Variants in LNX1 observed in about 807,000 individuals in gnomAD.
The protein encoded by LNX1 is ligand of numb-protein X 1, also known as E3 ubiquitin-protein ligase LNX.
A neutral mutation model predicts 68.4 loss-of-function variants in LNX1; 54 were observed. The observed-to-expected ratio is 0.79, with a 90% CI of 0.63 to 0.99. The LOEUF is 0.99. Ranked by LOEUF, LNX1 falls within the 50% of genes least tolerant of loss-of-function variation. The pLI, the probability that LNX1 is intolerant of heterozygous loss-of-function variation, is 0.00. For synonymous variants in LNX1, 336 were observed against 350.0 expected, an observed-to-expected ratio of 0.96 and a Z score of 0.45; for missense variants, 906 against 926.4, an observed-to-expected ratio of 0.98 and a Z score of 0.29.
chr4:53,480,602 A>C (rs771823633), intron 7 of LNX1, among the ~76,000 whole-genome samples: 65 of 152,340 alleles, frequency 4.3e-4, no homozygotes, highest in Admixed American at 1.8e-3. Flanking sequence ...ATGTTTTAGC[A>C]GGATATATCT....
At chr4:53,514,497 T>TG (rs35743691) in intron 2 of LNX1, among the ~76,000 whole-genome samples, 146,121 of 152,100 alleles carry the variant, frequency 0.96, 70,468 homozygotes, top group Non-Finnish European at 1. Context: ...AGGGCTTGTG[T>TG]GGGGAACTCT....
intron 7 of LNX1, 44 bp from the exon 8 acceptor site, chr4:53,478,786 C>G (rs1245133852): frequency 1.9e-6 from 3 of 1,560,540 alleles, no homozygotes; most frequent in Non-Finnish European, 2.6e-6. Flanking sequence ...ATTCACAACT[C>G]TGGTAGTTTT....
At chr4:53,643,144 T>C (rs545416100) in intron 1 of LNX1, among the ~76,000 whole-genome samples, 59 of 152,002 alleles carry the variant, frequency 3.9e-4, no homozygotes, top group African/African-American at 1.1e-3. Flanking sequence ...AGTCAAGAAA[T>C]CTTGGTCTTT....
At chr4:53,579,813 C>A (rs1002824) in intron 1 of LNX1, among the ~76,000 whole-genome samples, 40,989 of 152,048 alleles carry the variant, frequency 0.27, 5,650 homozygotes, top group Admixed American at 0.31. Context: ...CCAGAATAAA[C>A]CACATACTCC....
intron 2 of LNX1, among the ~76,000 whole-genome samples, chr4:53,554,726 T>A (rs1354417911): frequency 6.6e-6 from 1 of 151,806 alleles, no homozygotes; most frequent in African/African-American, 2.4e-5. Context: ...GTGGTGGGTG[T>A]CTGTAATCCC....
intron 2 of LNX1, among the ~76,000 whole-genome samples, chr4:53,534,504 A>G (rs915751088): frequency 6.6e-6 from 1 of 152,156 alleles, no homozygotes; most frequent in African/African-American, 2.4e-5. Context: ...TTAGCCAAGC[A>G]TTGAGGACAT....
chr4:53,537,266 A>G (rs1168137252), intron 2 of LNX1, among the ~76,000 whole-genome samples: 7 of 152,360 alleles, frequency 4.6e-5, no homozygotes, highest in Non-Finnish European at 8.8e-5. Context: ...AAGTAAAAGC[A>G]TTCCTGTAAA....
At chr4:53,596,894 C>T (rs553049159) in intron 2 of LNX1, among the ~76,000 whole-genome samples, 2 of 152,330 alleles carry the variant, frequency 1.3e-5, no homozygotes, top group South Asian at 4.1e-4. Flanking sequence ...CAAAAGAAAT[C>T]TGAGAATGCA....
intron 1 of LNX1, among the ~76,000 whole-genome samples, chr4:53,636,179 C>CTTTTTTTTTTT (rs11440722): frequency 3.5e-5 from 3 of 85,226 alleles, no homozygotes; most frequent in Admixed American, 1.7e-4. Flanking sequence ...TCTATTACTC[C>CTTTTTTTTTTT]TTTTTTTTTT....
chr4:53,533,059 G>A (rs1455810070), intron 2 of LNX1, among the ~76,000 whole-genome samples: 4 of 152,290 alleles, frequency 2.6e-5, no homozygotes, highest in Middle Eastern at 6.8e-3. Flanking sequence ...TGCTCCCTAG[G>A]TGCAGAGAAA....
At position 53,460,084 on chromosome 4, in the gene LNX1, C is replaced by CTACCCA. The variant is rs2150530084; in HGVS notation, c.*822_*823insTGGGTA. 5.0e-6 allele frequency: 1 copy of CTACCCA among 199,814 alleles called. No homozygotes were observed. The highest frequency in any genetic ancestry group is 6.0e-5 in the Admixed American group (1 of 16,588). The allele number at this position is 199,814 out of a possible 1,614,324, so 12.4% of individuals were successfully genotyped here. On this transcript the variant is annotated 3_prime_UTR_variant, in exon 11 of 11. Transcript: ENST00000263925. ...TAATTAATTACCCATAGTGTAGTTT[C>CTACCCA]TAGGAGGCATGTGTACACACACTCT...
At chr4:53,536,948 A>G (rs967914716) in intron 2 of LNX1, among the ~76,000 whole-genome samples, 4 of 152,226 alleles carry the variant, frequency 2.6e-5, no homozygotes, top group African/African-American at 9.6e-5. Flanking sequence ...GCAAAATCCA[A>G]ATATCTCTGA....
intron 2 of LNX1, among the ~76,000 whole-genome samples, chr4:53,511,763 A>C (rs1222100859): frequency 6.6e-6 from 1 of 152,222 alleles, no homozygotes; most frequent in Non-Finnish European, 1.5e-5. Context: ...GACGAGACAC[A>C]GGAGGGAACT....
chr4:53,601,473 G>A (rs1406754908), intron 2 of LNX1, among the ~76,000 whole-genome samples: 1 of 152,156 alleles, frequency 6.6e-6, no homozygotes, highest in Non-Finnish European at 1.5e-5. Flanking sequence ...GTCTTGCCAC[G>A]ATGGCCAGTC....
chr4:53,619,466 G>C (rs1733789742), upstream of LNX1, among the ~76,000 whole-genome samples: 1 of 152,132 alleles, frequency 6.6e-6, no homozygotes, highest in Non-Finnish European at 1.5e-5. Context: ...CTTTGTGTCA[G>C]ACTTCTTTCT....
At chr4:53,472,092 T>G (rs1246442597) in intron 9 of LNX1, among the ~76,000 whole-genome samples, 12 of 152,092 alleles carry the variant, frequency 7.9e-5, no homozygotes, top group Admixed American at 2.0e-4. Flanking sequence ...CAACCCAAAT[T>G]TCCAACAATG....
chr4:53,617,776 G>A (rs1309825931), upstream of LNX1, among the ~76,000 whole-genome samples: 1 of 152,082 alleles, frequency 6.6e-6, no homozygotes, highest in African/African-American at 2.4e-5. Context: ...GTAACAACTG[G>A]GTTTGTCTTC....
intron 6 of LNX1, among the ~76,000 whole-genome samples, chr4:53,482,218 A>T (rs1353293377): frequency 6.6e-6 from 1 of 152,238 alleles, no homozygotes; most frequent in East Asian, 1.9e-4. Context: ...TGTGTAAAGT[A>T]GCAGCCCAAA....
chr4:53,628,417 T>C (rs375777129), intron 1 of LNX1, among the ~76,000 whole-genome samples: 5 of 152,032 alleles, frequency 3.3e-5, no homozygotes, highest in African/African-American at 1.2e-4. Context: ...ATCAGAGAAA[T>C]GCAAATTAAA....
Sources: allele counts gnomAD v4.1 joint callset (sites outside exome capture counted in the v4.1 genomes callset), GRCh38; gene constraint gnomAD v4.1.1; transcripts MANE v1.5; gene names NCBI Gene and HGNC (gene_info 2026-07-23, HGNC 2026-07-21).